NAV2: variants seen among roughly 807,000 people sequenced by gnomAD.
The protein encoded by NAV2 is neuron navigator 2.
Under a neutral mutation model 223.2 loss-of-function variants are expected in NAV2, and 54 were observed. That is an observed-to-expected ratio of 0.24 (90% confidence interval 0.19 to 0.30). The LOEUF is 0.30. NAV2 is among the 10% of genes least tolerant of loss of function. NAV2 has a pLI of 1.00. For synonymous variants in NAV2, 1,279 were observed against 1,239.3 expected (o/e 1.03, Z -0.67); for missense variants, 2,806 against 3,147.5 (o/e 0.89, Z 2.60).
chr11:19,556,739 T>G (rs2044906686), intron 1 of NAV2, among the ~76,000 whole-genome samples: 1 of 152,224 alleles, frequency 6.6e-6, no homozygotes, highest in African/African-American at 2.4e-5. Context: ...TATTTTAAAT[T>G]ACATGCAATA....
chr11:20,010,274 G>T (rs1027531104), intron 11 of NAV2, among the ~76,000 whole-genome samples: 14 of 131,852 alleles, frequency 1.1e-4, no homozygotes, highest in Admixed American at 1.0e-3. Context: ...AAGAAGGACT[G>T]GGGGGAAAAT....
rs898010623 is a variant in NAV2, at chr11:19,434,177, G to A, written c.75+83150G>A. On this transcript the variant is annotated intron_variant, in intron 1 of 37. Coordinates refer to the NAV2 transcript ENST00000360655. ...CAGTCTGTTATAAGAAACAGAAGAT[G>A]TGGTTTTCCATGTGTCTCAAGAGAT... Among the ~76,000 whole-genome samples, 6 of 152,112 alleles carry A rather than the reference G, an allele frequency of 3.9e-5. No homozygotes were observed. The East Asian group carries it at 9.6e-4, about 24-fold the overall frequency.
intron 1 of NAV2, among the ~76,000 whole-genome samples, chr11:19,729,033 C>T (rs973805826): frequency 2.0e-5 from 3 of 152,134 alleles, no homozygotes; most frequent in African/African-American, 7.2e-5. Flanking sequence ...TGTGCAGAAT[C>T]ATGGGCCAGA....
At chr11:19,701,542 T>C (rs1007249216) in intron 1 of NAV2, among the ~76,000 whole-genome samples, 2 of 152,232 alleles carry the variant, frequency 1.3e-5, no homozygotes, top group Admixed American at 6.5e-5. Flanking sequence ...TGATGCTTAG[T>C]AGTTTTCACT....
chr11:19,817,830 A>G (rs533195676), intron 1 of NAV2, among the ~76,000 whole-genome samples: 123 of 152,316 alleles, frequency 8.1e-4, no homozygotes, highest in African/African-American at 2.8e-3. Context: ...TTCACCTACT[A>G]GGAAGCGGAA....
At chr11:19,769,450 G>C (rs566856118) in intron 1 of NAV2, among the ~76,000 whole-genome samples, 1 of 152,278 alleles carries the variant, frequency 6.6e-6, no homozygotes, top group African/African-American at 2.4e-5. Flanking sequence ...TGGACTTTTG[G>C]ATAGAGGGTG....
chr11:19,424,885 G>T (rs1456611468), intron 1 of NAV2, among the ~76,000 whole-genome samples: 2 of 152,060 alleles, frequency 1.3e-5, no homozygotes, highest in Non-Finnish European at 2.9e-5. Context: ...ATCTAAGCAA[G>T]AATTTAAAAA....
At chr11:19,418,078 C>A (rs759839777) in intron 1 of NAV2, among the ~76,000 whole-genome samples, 3 of 152,100 alleles carry the variant, frequency 2.0e-5, no homozygotes, top group Non-Finnish European at 4.4e-5. Context: ...TGTAACAAAC[C>A]TGCATGTTCT....
intron 1 of NAV2, chr11:19,714,616 G>T (rs920545102): frequency 2.7e-6 from 1 of 375,326 alleles, no homozygotes; most frequent in Non-Finnish European, 5.3e-6. Context: ...GTGGGGGTGG[G>T]GGTGGAGGTG....
intron 13 of NAV2, among the ~76,000 whole-genome samples, chr11:20,044,598 T>A (rs2057261105): frequency 6.6e-6 from 1 of 152,154 alleles, no homozygotes; most frequent in South Asian, 2.1e-4. Context: ...ATGTTGTCCC[T>A]GACTTAGGGA....
At chr11:19,892,812 CTTTG>C (rs1389092146) in intron 6 of NAV2, among the ~76,000 whole-genome samples, 2 of 152,128 alleles carry the variant, frequency 1.3e-5, no homozygotes, top group Admixed American at 6.5e-5. Flanking sequence ...AATTTGCTAT[CTTTG>C]TTTGGGTGGG....
At chr11:19,859,176 T>G (rs1590920354) in intron 3 of NAV2, among the ~76,000 whole-genome samples, 1 of 125,744 alleles carries the variant, frequency 8.0e-6, no homozygotes, top group Non-Finnish European at 1.7e-5. Flanking sequence ...CATTCTTGGG[T>G]GTTTCTCGCA....
intron 1 of NAV2, among the ~76,000 whole-genome samples, chr11:19,738,479 C>G (rs1167263279): frequency 6.6e-6 from 1 of 152,180 alleles, no homozygotes; most frequent in Non-Finnish European, 1.5e-5. Context: ...AATACGGAGA[C>G]CATAAGTGGA....
chr11:19,520,735 G>A (rs1225092065), intron 1 of NAV2, among the ~76,000 whole-genome samples: 1 of 152,208 alleles, frequency 6.6e-6, no homozygotes, highest in Admixed American at 6.5e-5. Context: ...GGGGGAACAG[G>A]AAGATGCACT....
At chr11:20,079,235 T>C (rs1213724703) in intron 24 of NAV2, among the ~76,000 whole-genome samples, 1 of 152,126 alleles carries the variant, frequency 6.6e-6, no homozygotes, top group Non-Finnish European at 1.5e-5. Flanking sequence ...GAGACAGGGT[T>C]TCACCATGTT....
intron 1 of NAV2, among the ~76,000 whole-genome samples, chr11:19,615,935 C>T (rs1477959360): frequency 6.6e-6 from 1 of 152,116 alleles, no homozygotes; most frequent in Non-Finnish European, 1.5e-5. Flanking sequence ...CTGTAGCCAG[C>T]CCCTACCCCT....
intron 1 of NAV2, among the ~76,000 whole-genome samples, chr11:19,568,515 A>G (rs560180409): frequency 3.3e-5 from 5 of 152,346 alleles, no homozygotes; most frequent in South Asian, 2.1e-4. Flanking sequence ...GGATCTTTAC[A>G]GTGGCAAAAG....
intron 1 of NAV2, among the ~76,000 whole-genome samples, chr11:19,704,027 G>C (rs558045009): frequency 5.3e-5 from 8 of 151,810 alleles, no homozygotes; most frequent in Admixed American, 6.6e-5. Context: ...TTTTTGGGGG[G>C]GTGGAAGGGG....
chr11:19,828,647 C>T (rs2059778187), intron 1 of NAV2, among the ~76,000 whole-genome samples: 1 of 150,252 alleles, frequency 6.7e-6, no homozygotes. Flanking sequence ...TGCCATCACA[C>T]CCGGCTAATT....
Sources: gnomAD v4.1 joint callset for allele counts (sites outside exome capture counted in the v4.1 genomes callset) on GRCh38, gnomAD v4.1.1 for gene constraint, MANE v1.5 for transcripts, NCBI Gene and HGNC (gene_info 2026-07-23, HGNC 2026-07-21) for gene names.